Variants in SLC4A10 observed in about 807,000 individuals in gnomAD.
SLC4A10 encodes the protein sodium-driven chloride bicarbonate exchanger.
Under a neutral mutation model 137.7 loss-of-function variants are expected in SLC4A10, and 42 were observed. The observed-to-expected ratio is 0.30, with a 90% CI of 0.24 to 0.39. The LOEUF (loss-of-function observed/expected upper bound fraction) is 0.39, where lower values mean the gene tolerates loss of function less well. Among genes scored for constraint, SLC4A10 ranks in the 10% least tolerant of loss-of-function variants. SLC4A10 has a pLI of 1.00. For synonymous variants in SLC4A10, 474 were observed against 464.1 expected, an observed-to-expected ratio of 1.02 and a Z score of -0.27; for missense variants, 925 against 1,355.0, an observed-to-expected ratio of 0.68 and a Z score of 4.98.
At chr2:161,640,711 G>A (rs1017521430) in intron 1 of SLC4A10, among the ~76,000 whole-genome samples, 3 of 147,850 alleles carry the variant, frequency 2.0e-5, no homozygotes, top group South Asian at 4.3e-4. Flanking sequence ...GAGTGCAGTC[G>A]CTGGTTACAG....
At chr2:161,660,448 G>T (rs1224128975) in intron 1 of SLC4A10, among the ~76,000 whole-genome samples, 1 of 152,142 alleles carries the variant, frequency 6.6e-6, no homozygotes, top group East Asian at 1.9e-4. Context: ...GTATATGAGA[G>T]CATTATTGTT....
chr2:161,937,609 A>G (rs1422734111), intron 15 of SLC4A10, among the ~76,000 whole-genome samples: 1 of 152,202 alleles, frequency 6.6e-6, no homozygotes, highest in Non-Finnish European at 1.5e-5. Flanking sequence ...GTAGTCAAAT[A>G]ATTGTGTAAT....
At chr2:161,730,998 T>C (rs189613675) in intron 1 of SLC4A10, among the ~76,000 whole-genome samples, 1 of 152,310 alleles carries the variant, frequency 6.6e-6, no homozygotes, top group Admixed American at 6.5e-5. Flanking sequence ...CATGAAGATG[T>C]ACATTTCTAG....
intron 10 of SLC4A10, among the ~76,000 whole-genome samples, chr2:161,888,078 G>A (rs1336321908): frequency 6.6e-6 from 1 of 152,106 alleles, no homozygotes. Context: ...CCCATTGCTT[G>A]TTTTTGTCAG....
chr2:161,767,862 C>G (rs950253871), intron 1 of SLC4A10, among the ~76,000 whole-genome samples: 1 of 152,014 alleles, frequency 6.6e-6, no homozygotes, highest in African/African-American at 2.4e-5. Flanking sequence ...GAAGGTTCCT[C>G]ACCTACAATT....
chr2:161,863,625 T>TC (rs1347705050), intron 6 of SLC4A10, among the ~76,000 whole-genome samples: 1 of 152,236 alleles, frequency 6.6e-6, no homozygotes, highest in Admixed American at 6.5e-5. Context: ...TGCAGCATCT[T>TC]CAACATCCAT....
At chr2:161,633,158 G>A (rs1263536694) in intron 1 of SLC4A10, among the ~76,000 whole-genome samples, 1 of 151,630 alleles carries the variant, frequency 6.6e-6, no homozygotes, top group Non-Finnish European at 1.5e-5. Flanking sequence ...ATATATGGAA[G>A]ATGCACTTTC....
At chr2:161,789,597 G>A (rs985562122) in intron 2 of SLC4A10, among the ~76,000 whole-genome samples, 1 of 152,042 alleles carries the variant, frequency 6.6e-6, no homozygotes, top group African/African-American at 2.4e-5. Context: ...ATATCACTAG[G>A]TGACAAGAAT....
chr2:161,707,586 A>G (rs763008218), intron 1 of SLC4A10, among the ~76,000 whole-genome samples: 10 of 151,522 alleles, frequency 6.6e-5, no homozygotes, highest in South Asian at 2.1e-4. Flanking sequence ...CACTTTATCA[A>G]TCTTAAAGTT....
chr2:161,798,445 G>A (rs774256332), intron 2 of SLC4A10, among the ~76,000 whole-genome samples: 10 of 151,660 alleles, frequency 6.6e-5, no homozygotes, highest in Non-Finnish European at 1.5e-4. Context: ...TTCCAAATGC[G>A]TCTCCTTTCC....
At chr2:161,667,654 G>T (rs1241124197) in intron 1 of SLC4A10, among the ~76,000 whole-genome samples, 1 of 151,586 alleles carries the variant, frequency 6.6e-6, no homozygotes, top group Non-Finnish European at 1.5e-5. Flanking sequence ...GTTACTTTGA[G>T]AAAATATATT....
At chr2:161,669,283 GC>G (rs1007416796) in intron 1 of SLC4A10, among the ~76,000 whole-genome samples, 1 of 151,750 alleles carries the variant, frequency 6.6e-6, no homozygotes, top group African/African-American at 2.4e-5. Flanking sequence ...GGCAAACATT[GC>G]TTATGCAGGA....
intron 10 of SLC4A10, among the ~76,000 whole-genome samples, chr2:161,889,513 G>A (rs1334067107): frequency 6.6e-6 from 1 of 152,156 alleles, no homozygotes; most frequent in African/African-American, 2.4e-5. Context: ...AGTCTTGGGA[G>A]AGTGTATGTG....
At chr2:161,844,737 A>G (rs2059390961) in intron 4 of SLC4A10, among the ~76,000 whole-genome samples, 1 of 152,108 alleles carries the variant, frequency 6.6e-6, no homozygotes, top group African/African-American at 2.4e-5. Flanking sequence ...GTATATTTTA[A>G]TAGGAGTATT....
chr2:161,917,806 T>A (rs946688870), intron 15 of SLC4A10, among the ~76,000 whole-genome samples: 9 of 152,310 alleles, frequency 5.9e-5, no homozygotes, highest in Middle Eastern at 3.4e-3. Flanking sequence ...TTTAGCCTGT[T>A]TTCATTACTG....
At position 161,862,857 on chromosome 2, in the gene SLC4A10, C is replaced by T. The variant is rs536373308; in HGVS notation, c.578-17C>T. 56 of 1,548,474 alleles carry T rather than the reference C, an allele frequency of 3.6e-5. No homozygotes were observed. Among genetic ancestry groups the T allele is most frequent in the African/African-American group, 1.9e-4 (14 of 73,358 alleles). On this transcript the variant is annotated splice_polypyrimidine_tract_variant and intron_variant, in intron 5 of 26. Coordinates refer to ENST00000446997, the MANE Select transcript of SLC4A10 (RefSeq NM_001178015.2). Reference sequence around the variant, plus strand: ...GAGGAAAGCTGTGCTTATCTTCTTCCGGCCTTTTCTCTTCAGATATGGTTC... The same window carrying T: ...GAGGAAAGCTGTGCTTATCTTCTTCTGGCCTTTTCTCTTCAGATATGGTTC...
chr2:161,673,801 C>G (rs1286705355), intron 1 of SLC4A10, among the ~76,000 whole-genome samples: 1 of 152,074 alleles, frequency 6.6e-6, no homozygotes, highest in Non-Finnish European at 1.5e-5. Context: ...ACCAGCCTGG[C>G]TAACATAGTG....
chr2:161,687,390 C>T (rs2041542876), intron 1 of SLC4A10, among the ~76,000 whole-genome samples: 1 of 152,042 alleles, frequency 6.6e-6, no homozygotes, highest in Admixed American at 6.6e-5. Context: ...CTGTAATAAA[C>T]AAGTATTATT....
At chr2:161,816,733 G>C (rs1160971452) in intron 3 of SLC4A10, among the ~76,000 whole-genome samples, 6 of 149,378 alleles carry the variant, frequency 4.0e-5, no homozygotes. Flanking sequence ...TGCGGTGTTT[G>C]GTTTTTTGTC....
Sources: allele counts gnomAD v4.1 joint callset (sites outside exome capture counted in the v4.1 genomes callset), GRCh38; gene constraint gnomAD v4.1.1; transcripts MANE v1.5; gene names NCBI Gene and HGNC (gene_info 2026-07-23, HGNC 2026-07-21).